Variants in CD276 observed in about 807,000 individuals in gnomAD.
The protein encoded by CD276 is CD276 antigen.
Under a neutral mutation model 50.0 loss-of-function variants are expected in CD276, and 34 were observed. That is an observed-to-expected ratio of 0.68 (90% CI 0.52 to 0.91). The LOEUF (loss-of-function observed/expected upper bound fraction) is 0.91, where lower values mean the gene tolerates loss of function less well. Ranked by LOEUF, CD276 falls within the 40% of genes least tolerant of loss-of-function variation. The probability of loss-of-function intolerance (pLI) is 0.00; values close to 1 mark genes in which losing one functional copy is unlikely to be tolerated. For synonymous variants in CD276, 275 were observed against 313.0 expected, an observed-to-expected ratio of 0.88 and a Z score of 1.28; for missense variants, 634 against 717.5, an observed-to-expected ratio of 0.88 and a Z score of 1.33.
At chr15:73,697,041 G>A (rs757953618) in intron 1 of CD276, among the ~76,000 whole-genome samples, 26 of 152,268 alleles carry the variant, frequency 1.7e-4, no homozygotes, top group African/African-American at 5.8e-4. Context: ...GAATCTGGGC[G>A]TTCGTTCATC....
At chr15:73,697,106 C>T (rs927572524) in intron 1 of CD276, among the ~76,000 whole-genome samples, 2 of 152,310 alleles carry the variant, frequency 1.3e-5, no homozygotes, top group African/African-American at 2.4e-5. Flanking sequence ...CAGCTGCCTG[C>T]TGGATCTTCC....
chr15:73,689,806 C>G (rs918506771), intron 1 of CD276, among the ~76,000 whole-genome samples: 20 of 152,118 alleles, frequency 1.3e-4, no homozygotes, highest in Admixed American at 1.3e-3. Context: ...ATTACACCAG[C>G]CCAACATGCG....
Position 73,713,594 on chromosome 15 carries a change from A to G in CD276, c.*638A>G, listed in dbSNP as rs946335209. On this transcript the variant is annotated 3_prime_UTR_variant, in exon 10 of 10. Coordinates refer to ENST00000318443, the MANE Select transcript of CD276 (RefSeq NM_001024736.2). Reference sequence around the variant, plus strand: ...TTCCCTCCCTGCCCCAAGTGAAGACAGGGCACTCTGCGCCCACCACATGCA... The same window carrying G: ...TTCCCTCCCTGCCCCAAGTGAAGACGGGGCACTCTGCGCCCACCACATGCA... 3.4e-5 allele frequency: 11 copies of G among 323,500 alleles called. No homozygotes were observed. The highest frequency in any genetic ancestry group is 2.3e-4 in the African/African-American group (10 of 43,060). 20.0% of individuals were successfully genotyped at this position (323,500 alleles called of 1,614,324 possible).
At position 73,713,394 on chromosome 15, in the gene CD276, G is replaced by A. The variant is rs186956928; in HGVS notation, c.*438G>A. 2.7e-5 allele frequency: 7 copies of A among 255,222 alleles called. No homozygotes were observed. Among genetic ancestry groups the A allele is most frequent in the African/African-American group, 7.1e-5 (3 of 42,490 alleles). 15.8% of individuals were successfully genotyped at this position (255,222 alleles called of 1,614,324 possible). ...CAAAGACACGATGCATAGTCACCCCGGCCTTGTTTCTCCAATGGCCGTGAT... is the reference window on the plus strand; with the variant it reads ...CAAAGACACGATGCATAGTCACCCCAGCCTTGTTTCTCCAATGGCCGTGAT... On this transcript the variant is annotated 3_prime_UTR_variant, in exon 10 of 10. Transcript: ENST00000318443.
rs1353825345 is a variant in CD276 at position 73,687,362 on chromosome 15, G to A, written c.-55+2902G>A. ...AGAAAGGGTAAGTCACATGCCCAAA[G>A]ACACACAGCCGGCAAATGGTGGAGC... On this transcript the variant is annotated intron_variant, in intron 1 of 9. Coordinates refer to ENST00000318443, the MANE Select transcript of CD276 (RefSeq NM_001024736.2). The surrounding 1 kb of genome is among the most constrained non-coding windows in gnomAD (Gnocchi z 4.0). Among the ~76,000 whole-genome samples, 2 of 152,178 alleles carry A rather than the reference G, an allele frequency of 1.3e-5. No homozygotes were observed. The highest frequency in any genetic ancestry group is 2.9e-5 in the Non-Finnish European group (2 of 68,024).
intron 1 of CD276, among the ~76,000 whole-genome samples, chr15:73,695,496 A>G (rs765679852): frequency 4.6e-5 from 7 of 152,156 alleles, no homozygotes; most frequent in Non-Finnish European, 8.8e-5. Flanking sequence ...ACCAAACTGC[A>G]GTGATCTAAC....
chr15:73,701,849 A>G (rs1285236422), intron 2 of CD276, among the ~76,000 whole-genome samples: 1 of 152,222 alleles, frequency 6.6e-6, no homozygotes. Flanking sequence ...ACTTACGCTC[A>G]TGGGGAAATG....
chr15:73,710,378 A>G (rs142607315), intron 8 of CD276, among the ~76,000 whole-genome samples: 4 of 152,324 alleles, frequency 2.6e-5, no homozygotes, highest in Non-Finnish European at 5.9e-5. Flanking sequence ...CTTTCAGGTG[A>G]CTGGAGAGGG....
At chr15:73,709,710 G>C (rs768238926) in intron 8 of CD276, 21 bp downstream of exon 8, 1 of 1,608,082 alleles carries the variant, frequency 6.2e-7, no homozygotes, top group Non-Finnish European at 8.5e-7. Context: ...ACTTGGAGCT[G>C]GCCCTCTTGG....
chr15:73,693,364 G>A (rs754346299), intron 1 of CD276, among the ~76,000 whole-genome samples: 19 of 152,160 alleles, frequency 1.2e-4, no homozygotes, highest in Middle Eastern at 3.4e-3. Flanking sequence ...TAATGCTGCC[G>A]ACTTATACAC....
chr15:73,693,988 A>G (rs1900077604), intron 1 of CD276, among the ~76,000 whole-genome samples: 1 of 152,106 alleles, frequency 6.6e-6, no homozygotes, highest in Non-Finnish European at 1.5e-5. Flanking sequence ...TCATGGCATC[A>G]TCTCCCTCAG....
At chr15:73,688,872 A>C (rs890920100) in intron 1 of CD276, among the ~76,000 whole-genome samples, 1 of 152,108 alleles carries the variant, frequency 6.6e-6, no homozygotes, top group Admixed American at 6.5e-5. Context: ...TTTGGAGGCA[A>C]GGAGGCATTT....
Position 73,702,252 on chromosome 15 carries a change from C to T in CD276, c.80-3C>T. On this transcript the variant is annotated splice_region_variant and splice_polypyrimidine_tract_variant and intron_variant, in intron 2 of 9. Transcript: ENST00000318443. Reference sequence around the variant, plus strand: ...ATATGTTCTCCACTCCCCCTACCCCCAGGAGCCCTGGAGGTCCAGGTCCCT... The same window carrying T: ...ATATGTTCTCCACTCCCCCTACCCCTAGGAGCCCTGGAGGTCCAGGTCCCT... 1 of 1,603,614 alleles carries T rather than the reference C, an allele frequency of 6.2e-7. No individual in the cohort carries two copies. The highest frequency in any genetic ancestry group is 1.1e-5 in the South Asian group (1 of 89,816).
chr15:73,694,717 T>C (rs558438963), intron 1 of CD276, among the ~76,000 whole-genome samples: 1 of 152,284 alleles, frequency 6.6e-6, no homozygotes, highest in African/African-American at 2.4e-5. Context: ...GCTTCTCTCT[T>C]TCAGGGCATG....
chr15:73,690,680 C>T (rs1473786542), intron 1 of CD276: 1 of 456,000 alleles, frequency 2.2e-6, no homozygotes, highest in South Asian at 1.5e-5. Context: ...GGCCCCACCT[C>T]TTAATACTGT....
chr15:73,694,568 G>A (rs1350179794), intron 1 of CD276, among the ~76,000 whole-genome samples: 1 of 152,194 alleles, frequency 6.6e-6, no homozygotes, highest in Non-Finnish European at 1.5e-5. Flanking sequence ...ATCCAGGGCT[G>A]ATACTACAGT....
chr15:73,703,028 C>T lies in CD276; in HGVS notation c.675C>T (p.Pro225=), dbSNP rs368756883. 737 of 1,613,494 alleles carry T rather than the reference C, an allele frequency of 4.6e-4. No individual in the cohort carries two copies. Among genetic ancestry groups the T allele is most frequent in the Non-Finnish European group, 5.9e-4 (699 of 1,179,822 alleles). The change falls in exon 4 of 10, where the codon CCC becomes CCT. Residue 225 remains proline, a synonymous_variant. Transcript: ENST00000318443. ...NGTYSCLVRN[P]VLQQDAHSSV... is the part of the protein sequence containing the mutation. ...CCTACAGCTGCCTGGTGCGCAACCC[C>T]GTGCTGCAGCAGGATGCGCACAGCT...
chr15:73,705,095 G>A (rs1900597366), intron 6 of CD276, among the ~76,000 whole-genome samples: 2 of 152,206 alleles, frequency 1.3e-5, no homozygotes, highest in Non-Finnish European at 2.9e-5. Context: ...AGGGTGTGAA[G>A]AGGGTTGAGG....
At chr15:73,699,514 A>C in intron 1 of CD276, 72 bp from the exon 2 acceptor site, 1 of 1,528,816 alleles carries the variant, frequency 6.5e-7, no homozygotes, top group Non-Finnish European at 8.8e-7. Context: ...ACTCTGGTCC[A>C]GGAGAGATGA....
Sources: allele counts gnomAD v4.1 joint callset (sites outside exome capture counted in the v4.1 genomes callset), GRCh38; gene constraint gnomAD v4.1.1; non-coding constraint Gnocchi (gnomAD v3.1); transcripts MANE v1.5; gene names NCBI Gene and HGNC (gene_info 2026-07-23, HGNC 2026-07-21).